The following SLC13A5 variants were observed in gnomAD, a reference collection of about 807,000 sequenced individuals.
SLC13A5 encodes Na(+)/citrate cotransporter.
In SLC13A5, 25 loss-of-function variants were observed where a neutral mutation model predicts 56.5. The ratio of observed to expected loss-of-function variants is 0.44; its 90% CI spans 0.32 to 0.62. The LOEUF (loss-of-function observed/expected upper bound fraction) is 0.62. Ranked by LOEUF, SLC13A5 falls within the 20% of genes least tolerant of loss-of-function variation. The pLI, the probability that SLC13A5 is intolerant of heterozygous loss-of-function variation, is 0.04. For synonymous variants in SLC13A5, 307 were observed against 301.5 expected, an observed-to-expected ratio of 1.02 and a Z score of -0.19; for missense variants, 649 against 737.8, an observed-to-expected ratio of 0.88 and a Z score of 1.39.
At chr17:6,706,950 G>T (rs200139219) in intron 2 of SLC13A5, 78 bp downstream of exon 2, 123 of 1,594,564 alleles carry the variant, frequency 7.7e-5, no homozygotes, top group Non-Finnish European at 1.0e-4. Context: ...CCCCAGGCCT[G>T]TGCGACTCAC....
intron 1 of SLC13A5, among the ~76,000 whole-genome samples, chr17:6,710,793 AAGAG>A (rs944157505): frequency 4.1e-5 from 6 of 145,476 alleles, no homozygotes; most frequent in African/African-American, 8.2e-5. Flanking sequence ...TGTGTCTGGG[AAGAG>A]AGAGAGAGAT....
chr17:6,690,844 C>T lies in SLC13A5; in HGVS notation c.1372G>A (p.Val458Met), dbSNP rs372801738. 187 of 1,614,244 alleles carry T rather than the reference C, an allele frequency of 1.2e-4. No individual in the cohort carries two copies. The highest frequency in any genetic ancestry group is 8.2e-4 in the Middle Eastern group (5 of 6,062). Reference sequence around the variant, plus strand: ...ACGTTGCTTGTGCACTCAGTGAACACGGCAACGAGCAAGGACAAGATCAAG... The same window carrying T: ...ACGTTGCTTGTGCACTCAGTGAACATGGCAACGAGCAAGGACAAGATCAAG... ...ITLILSLLVA[V>M]FTECTSNVAT... Residue 458 changes from valine (V) to methionine (M), a missense_variant, in exon 10 of 12, where the codon GTG (valine) becomes ATG (methionine). By Grantham distance (21) the Val-to-Met change is conservative (BLOSUM62 1). Coordinates refer to ENST00000433363, the MANE Select transcript of SLC13A5 (RefSeq NM_177550.5).
In SLC13A5 at chr17:6,711,657, GTGTT is replaced by G. The variant is rs1465907478; in HGVS notation, c.102+1571_102+1574del. On this transcript the variant is annotated intron_variant, in intron 1 of 11. Transcript: ENST00000433363. This position sits in a 1 kb window ranked among gnomAD's most constrained non-coding sequence, Gnocchi z 4.0. ...GTGCGTGTGTTTTGTGTGTGTCTGT[GTGTT>G]TGTGTGTGTGTCTGTGTGTGTTTGT... Among the ~76,000 whole-genome samples the G allele has an allele frequency of 4.0e-5, 6 of 151,370 alleles. No individual in the cohort carries two copies. Among genetic ancestry groups the G allele is most frequent in the African/African-American group, 1.5e-4 (6 of 41,174 alleles).
intron 4 of SLC13A5, 47 bp downstream of exon 4, chr17:6,703,831 G>T: frequency 6.7e-7 from 1 of 1,488,986 alleles, no homozygotes; most frequent in South Asian, 1.4e-5. Flanking sequence ...GCAGAGGGAG[G>T]GGAAGGCTGC....
chr17:6,711,602 GT>G lies in SLC13A5; in HGVS notation c.102+1629del, dbSNP rs1974033558. On this transcript the variant is annotated intron_variant, in intron 1 of 11. Transcript: ENST00000433363. The surrounding 1 kb of genome is among the most constrained non-coding windows in gnomAD (Gnocchi z 4.0). ...TGTTTGTGTGTTTGGGTGTGTGTTT[GT>G]GCGTGTGTTTTTGTGTGTGTTTGTG... Among the ~76,000 whole-genome samples, 1 of 150,424 alleles carries G rather than the reference GT, an allele frequency of 6.6e-6. No homozygotes were observed. The highest frequency in any genetic ancestry group is 2.4e-5 in the African/African-American group (1 of 40,844).
At chr17:6,697,645 A>G (rs955160476) in intron 6 of SLC13A5, among the ~76,000 whole-genome samples, 3 of 152,222 alleles carry the variant, frequency 2.0e-5, no homozygotes, top group Non-Finnish European at 4.4e-5. Context: ...TTGCAGAGCC[A>G]ACAAGAGGGG....
In SLC13A5 at chr17:6,706,683, G is replaced by C. The variant is rs761010502; in HGVS notation, c.327C>G (p.Ile109Met). The change falls in exon 3 of 12, where the codon ATC (isoleucine) becomes ATG (methionine). Residue 109 changes from isoleucine (I) to methionine (M), a missense_variant. Ile to Met is a conservative substitution (Grantham distance 10). Transcript: ENST00000433363. Reference protein sequence around the residue: ...AVERWNLHKRIALRTLLWVGA... With the variant: ...AVERWNLHKRMALRTLLWVGA... ...CCACCCAGAGGAGCGTGCGCAGGGC[G>C]ATCCTCTTGTGCAGGTTCCAGCGCT... 3 of 1,613,876 alleles carry C rather than the reference G, an allele frequency of 1.9e-6. No individual in the cohort carries two copies. The highest frequency in any genetic ancestry group is 1.7e-4 in the Middle Eastern group (1 of 6,056).
chr17:6,706,724 C>T lies in SLC13A5; in HGVS notation c.286G>A (p.Val96Met), dbSNP rs770640829. The T allele has an allele frequency of 9.9e-6, 16 of 1,613,962 alleles. No individual in the cohort carries two copies. The African/African-American group carries it at 1.1e-4, about 11-fold the overall frequency. Residue 96 changes from valine to methionine, a missense_variant, in exon 3 of 12, where the codon GTG becomes ATG. Transcript: ENST00000433363. ...TNMLFLGGLIVAVAVERWNLH... is the reference protein window; with the variant it reads ...TNMLFLGGLIMAVAVERWNLH... ...TTCCAGCGCTCCACAGCCACGGCCA[C>T]GATGAGGCCGCCCAGGAACAGCATG...
intron 2 of SLC13A5, 79 bp from the exon 3 acceptor site, chr17:6,706,857 C>T (rs766551965): frequency 5.0e-6 from 8 of 1,587,512 alleles, no homozygotes; most frequent in Non-Finnish European, 6.0e-6. Flanking sequence ...ATGCTGACTT[C>T]AGGGACAGCT....
chr17:6,687,992 C>G lies in SLC13A5; in HGVS notation c.1438-326G>C, dbSNP rs368199356. ...GTGCCGCGTGCACATGTCTGTCTGT[C>G]TTGCCACAGACTGAGAGAGCCTAGA... On this transcript the variant is annotated intron_variant, in intron 10 of 11. Coordinates refer to ENST00000433363, the MANE Select transcript of SLC13A5 (RefSeq NM_177550.5). This position sits in a 1 kb window ranked among gnomAD's most constrained non-coding sequence, Gnocchi z 5.0. 2 of 191,974 alleles carry G rather than the reference C, an allele frequency of 1.0e-5. No homozygotes were observed. Among genetic ancestry groups the G allele is most frequent in the East Asian group, 2.5e-4 (2 of 7,880 alleles). The allele number at this position is 191,974 out of a possible 1,614,324, so 11.9% of individuals were successfully genotyped here.
At position 6,692,180 on chromosome 17, in the gene SLC13A5, G is replaced by A. The variant is rs576055561; in HGVS notation, c.1275+864C>T. 6.6e-6 allele frequency among the ~76,000 whole-genome samples: 1 copy of A among 151,854 alleles called. No homozygotes were observed. The highest frequency in any genetic ancestry group is 1.9e-4 in the East Asian group (1 of 5,168). On this transcript the variant is annotated intron_variant, in intron 9 of 11. Coordinates refer to ENST00000433363, the MANE Select transcript of SLC13A5 (RefSeq NM_177550.5). The surrounding 1 kb of genome is among the most constrained non-coding windows in gnomAD (Gnocchi z 5.5). ...GGATGGATGGATAGATGGGTGGATG[G>A]ATGGATGGATAGATAGATGGGTGGA...
intron 4 of SLC13A5, among the ~76,000 whole-genome samples, 171 bp from the exon 5 acceptor site, chr17:6,703,309 G>T (rs546914550): frequency 6.6e-6 from 1 of 152,244 alleles, no homozygotes. Flanking sequence ...ATTCCTCTCT[G>T]TAAGCCCCAG....
intron 5 of SLC13A5, among the ~76,000 whole-genome samples, chr17:6,702,275 G>A (rs1206893994): frequency 3.3e-5 from 5 of 152,154 alleles, no homozygotes; most frequent in African/African-American, 7.2e-5. Context: ...ATGCCTGGAA[G>A]CCCCAGGCAT....
intron 7 of SLC13A5, among the ~76,000 whole-genome samples, chr17:6,695,200 A>G (rs374090476): frequency 1.3e-5 from 2 of 152,186 alleles, no homozygotes; most frequent in South Asian, 4.1e-4. Context: ...ACAGGAACAC[A>G]TTAGGGTCTT....
chr17:6,706,584 C>A lies in SLC13A5; in HGVS notation c.368+58G>T, dbSNP rs573053561. The A allele has an allele frequency of 5.9e-5, 93 of 1,589,162 alleles. 2 individuals are homozygous for A. The South Asian group carries it at 1.1e-3, about 18-fold the overall frequency. ...GCCTGGTCTGTGCCATCCTCCACCC[C>A]CTTCCAGCCCTGGGGCTCATGCAGA... On this transcript the variant is annotated intron_variant, in intron 3 of 11. Transcript: ENST00000433363.
intron 10 of SLC13A5, chr17:6,689,855 T>C (rs1380729982): frequency 6.6e-6 from 1 of 151,850 alleles, no homozygotes; most frequent in Non-Finnish European, 1.5e-5. Flanking sequence ...AATGACAGCC[T>C]CTCCCATGCT....
intron 1 of SLC13A5, 94 bp from the exon 2 acceptor site, chr17:6,707,250 C>T: frequency 6.7e-7 from 1 of 1,494,194 alleles, no homozygotes; most frequent in East Asian, 2.3e-5. Flanking sequence ...ATTGTCAAGA[C>T]ACAGTGCTGA....
At chr17:6,694,577 C>T (rs1461158667) in intron 7 of SLC13A5, among the ~76,000 whole-genome samples, 1 of 152,108 alleles carries the variant, frequency 6.6e-6, no homozygotes, top group Non-Finnish European at 1.5e-5. Flanking sequence ...TGCCATTGCA[C>T]TCCAGCCTGG....
chr17:6,710,365 C>T (rs1317982528), intron 1 of SLC13A5, among the ~76,000 whole-genome samples: 1 of 152,254 alleles, frequency 6.6e-6, no homozygotes, highest in African/African-American at 2.4e-5. Context: ...CCTGTCCCCT[C>T]TTGTTTCATG....
Sources: gnomAD v4.1 joint callset for allele counts (sites outside exome capture counted in the v4.1 genomes callset) on GRCh38, gnomAD v4.1.1 for gene constraint, Gnocchi (gnomAD v3.1) non-coding constraint, MANE v1.5 for transcripts, NCBI Gene and HGNC (gene_info 2026-07-23, HGNC 2026-07-21) for gene names.